DNAAF4: variants seen among roughly 807,000 people sequenced by gnomAD.
DNAAF4 encodes dynein axonemal assembly factor 4.
DNAAF4 carries 43 observed loss-of-function variants against 51.8 expected under a neutral mutation model. The observed-to-expected ratio is 0.83, with a 90% CI of 0.65 to 1.07. The LOEUF (loss-of-function observed/expected upper bound fraction) is 1.07, where lower values mean the gene tolerates loss of function less well. Ranked by LOEUF, DNAAF4 falls within the 50% of genes least tolerant of loss-of-function variation. The pLI, the probability that DNAAF4 is intolerant of heterozygous loss-of-function variation, is 0.00. For synonymous variants in DNAAF4, 194 were observed against 165.6 expected (o/e 1.17, Z -1.32); for missense variants, 581 against 493.0 (o/e 1.18, Z -1.69).
chr15:55,462,366 T>G (rs1215799860), intron 5 of DNAAF4, among the ~76,000 whole-genome samples: 1 of 152,062 alleles, frequency 6.6e-6, no homozygotes, highest in Non-Finnish European at 1.5e-5. Flanking sequence ...CTAATTTTTG[T>G]ATTTTTAGTT....
chr15:55,482,282 A>G (rs77367150), intron 4 of DNAAF4, among the ~76,000 whole-genome samples: 6,422 of 152,274 alleles, frequency 0.042, 469 homozygotes, highest in African/African-American at 0.15. Context: ...AAAATAGTAT[A>G]GCCATTGTGG....
intron 6 of DNAAF4, among the ~76,000 whole-genome samples, chr15:55,442,308 G>A (rs527656917): frequency 1.3e-5 from 2 of 152,046 alleles, no homozygotes; most frequent in African/African-American, 2.4e-5. Flanking sequence ...TAGTAGAGAC[G>A]GGGTTTCATC....
Position 55,449,696 on chromosome 15 carries a change from C to CTTTT in DNAAF4, c.783+522_783+525dup, listed in dbSNP as rs368060926. On this transcript the variant is annotated intron_variant, in intron 6 of 9. Coordinates refer to ENST00000321149, the MANE Select transcript of DNAAF4 (RefSeq NM_130810.4). ...ACAAACAACAACAACAAAAAGACCG[C>CTTTT]TTTTTTTTTTTTTTTTTTTTGATTC... Among the ~76,000 whole-genome samples, 82 of 91,706 alleles carry CTTTT rather than the reference C, an allele frequency of 8.9e-4. 5 individuals are homozygous for CTTTT. The highest frequency in any genetic ancestry group is 9.3e-4 in the South Asian group (2 of 2,152). The allele number at this position is 91,706 out of a possible 152,430, so 60.2% of individuals were successfully genotyped here. A position where few individuals can be genotyped will look rare whatever the true frequency, so the allele number is the denominator to read the frequency against.
rs114395821 is a variant in DNAAF4, at chr15:55,445,385, T to G, written c.783+4837A>C. Among the ~76,000 whole-genome samples, 5 of 152,170 alleles carry G rather than the reference T, an allele frequency of 3.3e-5. No homozygotes were observed. The South Asian group carries it at 1.0e-3, about 32-fold the overall frequency. On this transcript the variant is annotated intron_variant, in intron 6 of 9. Coordinates refer to ENST00000321149, the MANE Select transcript of DNAAF4 (RefSeq NM_130810.4). ...AAGGTTATAGATTAACAGCATCCCATGCAGAAGAATTTTTCTTAGTACAGA... is the reference window on the plus strand; with the variant it reads ...AAGGTTATAGATTAACAGCATCCCAGGCAGAAGAATTTTTCTTAGTACAGA...
chr15:55,491,377 T>C (rs1380266934), intron 3 of DNAAF4, 121 bp from the exon 4 acceptor site: 4 of 1,014,072 alleles, frequency 3.9e-6, no homozygotes, highest in Non-Finnish European at 5.6e-6. Flanking sequence ...ACAAGGAACA[T>C]GGAAAATATT....
rs761743713 is a variant in DNAAF4 at position 55,432,560 on chromosome 15, C to G, written c.1090G>C (p.Ala364Pro). 8 of 1,612,680 alleles carry G rather than the reference C, an allele frequency of 5.0e-6. No individual in the cohort carries two copies. Among genetic ancestry groups the G allele is most frequent in the Non-Finnish European group, 4.2e-6 (5 of 1,179,056 alleles). ...CGTCGTACATGTGCCTTCATTCTTG[C>G]ATTAGCATTGTCTGTAACAGGTGGC... is the stretch of plus-strand genomic sequence containing the variant. ...LMPPVTDNANARMKAHVRRGT... is the reference protein window; with the variant it reads ...LMPPVTDNANPRMKAHVRRGT... Residue 364 changes from alanine to proline, a missense_variant, in exon 9 of 10, where the codon GCA (alanine) becomes CCA (proline). By Grantham distance (27) the Ala-to-Pro change is conservative. Coordinates refer to ENST00000321149, the MANE Select transcript of DNAAF4 (RefSeq NM_130810.4).
At chr15:55,502,632 C>T (rs2058705558) in intron 1 of DNAAF4, among the ~76,000 whole-genome samples, 2 of 152,064 alleles carry the variant, frequency 1.3e-5, no homozygotes, top group Non-Finnish European at 2.9e-5. Context: ...TTCTTCCCTA[C>T]GTGATGACTG....
At chr15:55,488,529 T>C (rs938087197) in intron 4 of DNAAF4, among the ~76,000 whole-genome samples, 5 of 152,200 alleles carry the variant, frequency 3.3e-5, no homozygotes, top group Admixed American at 2.6e-4. Flanking sequence ...TACGGGTACA[T>C]AGTACTAGAG....
At chr15:55,501,645 G>GATT (rs1395673683) in intron 1 of DNAAF4, among the ~76,000 whole-genome samples, 2 of 151,936 alleles carry the variant, frequency 1.3e-5, no homozygotes, top group African/African-American at 4.8e-5. Flanking sequence ...AAAGTGCCGG[G>GATT]ATTACAGGTG....
chr15:55,450,779 G>C (rs1381278798), intron 5 of DNAAF4, among the ~76,000 whole-genome samples: 2 of 152,074 alleles, frequency 1.3e-5, no homozygotes, highest in East Asian at 3.9e-4. Flanking sequence ...AGTGTAAGAG[G>C]TTTTAGCCAT....
chr15:55,423,017 T>C (rs1171434955), intron 7 of DNAAF4, among the ~76,000 whole-genome samples: 2 of 151,634 alleles, frequency 1.3e-5, no homozygotes, highest in African/African-American at 4.8e-5. Flanking sequence ...AATAAATAAA[T>C]AAATAAATGT....
At chr15:55,497,259 G>A (rs952016879) in intron 3 of DNAAF4, among the ~76,000 whole-genome samples, 3 of 152,006 alleles carry the variant, frequency 2.0e-5, no homozygotes, top group Non-Finnish European at 4.4e-5. Context: ...TCTGTTGTTA[G>A]TTTATTTTAT....
At position 55,435,039 on chromosome 15, in the gene DNAAF4, T is replaced by G; in HGVS notation, c.913A>C (p.Asn305His). ...DKGNKLFATE[N>H]YLAAINAYNL... ...TATGCATTGATAGCTGCCAAATAGT[T>G]TTCCGTTGCAAACAATTTGCTAATG... The change falls in exon 8 of 10, where the codon AAC becomes CAC. Residue 305 changes from asparagine (N) to histidine (H), a missense_variant. Physicochemically the swap from Asn to His is moderately conservative, Grantham distance 68. Transcript: ENST00000321149. 2 of 1,594,840 alleles carry G rather than the reference T, an allele frequency of 1.3e-6. No individual in the cohort carries two copies. Among genetic ancestry groups the G allele is most frequent in the South Asian group, 2.3e-5 (2 of 86,542 alleles).
chr15:55,456,065 G>A (rs2058015427), intron 5 of DNAAF4, among the ~76,000 whole-genome samples: 1 of 151,182 alleles, frequency 6.6e-6, no homozygotes. Context: ...CTTATGTAAG[G>A]AAAATACTAA....
At chr15:55,431,957 C>A (rs1052174782) in intron 9 of DNAAF4, among the ~76,000 whole-genome samples, 2 of 151,230 alleles carry the variant, frequency 1.3e-5, no homozygotes, top group South Asian at 2.1e-4. Context: ...GGTAATATAG[C>A]ATTTTTTTTT....
At chr15:55,443,448 T>C in intron 6 of DNAAF4, 1 of 585,464 alleles carries the variant, frequency 1.7e-6, no homozygotes, top group South Asian at 2.1e-5. Flanking sequence ...AGTCTATCAT[T>C]GATGGACATT....
At position 55,441,299 on chromosome 15, in the gene DNAAF4, C is replaced by T. The variant is rs549969670; in HGVS notation, c.784-1718G>A. ...ATTGGCCAGGCTGGTCTCGAACTCC[C>T]GACCTTGTGATCTGCCCACCTCGGC... On this transcript the variant is annotated intron_variant, in intron 6 of 9. Transcript: ENST00000321149. 1.0e-3 allele frequency among the ~76,000 whole-genome samples: 143 copies of T among 142,448 alleles called. 2 individuals carry two copies. In the South Asian group the frequency reaches 0.014, roughly 14 times the overall value. The allele number at this position is 142,448 out of a possible 152,430, so 93.5% of individuals were successfully genotyped here.
At chr15:55,464,731 G>A (rs557901670) in intron 5 of DNAAF4, among the ~76,000 whole-genome samples, 48 of 152,300 alleles carry the variant, frequency 3.2e-4, no homozygotes, top group African/African-American at 1.1e-3. Context: ...ACTTTTCGAG[G>A]CTGAGGCAGG....
chr15:55,428,520 A>T (rs1452287387), downstream of DNAAF4, among the ~76,000 whole-genome samples: 4 of 78,574 alleles, frequency 5.1e-5, no homozygotes, highest in South Asian at 4.5e-4. Context: ...TTTGAGATGG[A>T]GTCTTGCTCT....
Sources: allele counts gnomAD v4.1 joint callset (sites outside exome capture counted in the v4.1 genomes callset), GRCh38; gene constraint gnomAD v4.1.1; transcripts MANE v1.5; gene names NCBI Gene and HGNC (gene_info 2026-07-23, HGNC 2026-07-21).